The following RNF17 variants were observed in gnomAD, a reference collection of about 807,000 sequenced individuals.
RNF17 encodes ring finger protein 17.
In RNF17, 31 loss-of-function variants were observed where a neutral mutation model predicts 200.5. The ratio of observed to expected loss-of-function variants is 0.15; its 90% CI spans 0.12 to 0.21. The LOEUF (loss-of-function observed/expected upper bound fraction) is 0.21, where lower values mean the gene tolerates loss of function less well. Ranked by LOEUF, RNF17 falls within the 10% of genes least tolerant of loss-of-function variation. RNF17 has a pLI of 1.00. For synonymous variants in RNF17, 606 were observed against 637.8 expected, an observed-to-expected ratio of 0.95 and a Z score of 0.75; for missense variants, 1,628 against 1,905.1, an observed-to-expected ratio of 0.85 and a Z score of 2.71.
At chr13:24,848,276 T>C (rs1891470862) in intron 22 of RNF17, among the ~76,000 whole-genome samples, 1 of 98,844 alleles carries the variant, frequency 1.0e-5, no homozygotes. Flanking sequence ...TTTTAAGAAA[T>C]CCCTTTTAAT....
At chr13:24,826,053 T>G in intron 16 of RNF17, 1 of 985,000 alleles carries the variant, frequency 1.0e-6, no homozygotes, top group Non-Finnish European at 1.2e-6. Context: ...TGAACTCTAG[T>G]TTGATGTTGA....
intron 25 of RNF17, among the ~76,000 whole-genome samples, chr13:24,858,575 G>GAT (rs397770900): frequency 0.24 from 34,588 of 143,142 alleles, 4,997 homozygotes; most frequent in African/African-American, 0.4. Flanking sequence ...ATCAGTTATG[G>GAT]ATATATATAT....
At chr13:24,799,881 C>A (rs767074054) in intron 12 of RNF17, among the ~76,000 whole-genome samples, 11 of 152,060 alleles carry the variant, frequency 7.2e-5, no homozygotes, top group Non-Finnish European at 1.3e-4. Flanking sequence ...CAGTTAGCAA[C>A]AGATGATTGA....
chr13:24,867,242 G>A (rs548441865), intron 30 of RNF17, among the ~76,000 whole-genome samples: 1 of 152,154 alleles, frequency 6.6e-6, no homozygotes, highest in South Asian at 2.1e-4. Flanking sequence ...TGCCCAGGCT[G>A]GTCTTGAACT....
At chr13:24,884,962 A>G in the RNF17 span, among the ~76,000 whole-genome samples, 1 of 152,362 alleles carries the variant, frequency 6.6e-6, no homozygotes, top group East Asian at 1.9e-4. Flanking sequence ...TTTCCTAAGC[A>G]TAAGAATAAA....
Position 24,879,170 on chromosome 13 carries a change from G to GT in RNF17, c.4774-16dup, listed in dbSNP as rs1895174681. On this transcript the variant is annotated splice_polypyrimidine_tract_variant and intron_variant, in intron 34 of 35. Transcript: ENST00000255324. Reference sequence around the variant, plus strand: ...AGACATTACTGTTTTCTTGACAACTGTATCTTTTAATTTTAGGCTCCAGCA... The same window carrying GT: ...AGACATTACTGTTTTCTTGACAACTGTTATCTTTTAATTTTAGGCTCCAGCA... The GT allele has an allele frequency of 6.3e-7, 1 of 1,587,470 alleles. No individual in the cohort carries two copies. Among genetic ancestry groups the GT allele is most frequent in the Non-Finnish European group, 8.7e-7 (1 of 1,156,008 alleles).
intron 15 of RNF17, among the ~76,000 whole-genome samples, chr13:24,820,727 C>T (rs3961341): frequency 0.43 from 65,624 of 152,026 alleles, 14,258 homozygotes; most frequent in East Asian, 0.48. Context: ...TAGGCCACCA[C>T]GCCCAGCCTG....
intron 18 of RNF17, 124 bp downstream of exon 18, chr13:24,832,102 G>T: frequency 1.5e-6 from 1 of 660,940 alleles, no homozygotes; most frequent in Non-Finnish European, 2.4e-6. Flanking sequence ...GATAAGATTT[G>T]TTGAGAATTA....
intron 18 of RNF17, among the ~76,000 whole-genome samples, chr13:24,841,823 G>C (rs1023764875): frequency 6.6e-6 from 1 of 152,042 alleles, no homozygotes; most frequent in South Asian, 2.1e-4. Flanking sequence ...TTAGCCGGGC[G>C]TGGTGGCGCG....
intron 12 of RNF17, among the ~76,000 whole-genome samples, chr13:24,800,097 G>A (rs1390731097): frequency 1.3e-5 from 2 of 152,080 alleles, no homozygotes; most frequent in Admixed American, 6.5e-5. Flanking sequence ...TTTATATGGG[G>A]GGAAGTGTCA....
At chr13:24,862,820 T>C in intron 28 of RNF17, 27 bp downstream of exon 28, 1 of 1,273,042 alleles carries the variant, frequency 7.9e-7, no homozygotes, top group South Asian at 1.2e-5. Flanking sequence ...ATAGTTGTTA[T>C]AAATTACTTG....
intron 15 of RNF17, among the ~76,000 whole-genome samples, chr13:24,818,010 A>T (rs183125276): frequency 9.9e-5 from 15 of 152,214 alleles, no homozygotes; most frequent in Non-Finnish European, 2.1e-4. Context: ...GCAATATTTT[A>T]AAATTGTGTA....
At chr13:24,865,792 T>A (rs1353392549) in intron 29 of RNF17, among the ~76,000 whole-genome samples, 1 of 152,194 alleles carries the variant, frequency 6.6e-6, no homozygotes, top group Non-Finnish European at 1.5e-5. Flanking sequence ...TGGGGGTGTG[T>A]GTGTGTGTAA....
chr13:24,871,721 C>A (rs1894277491), intron 32 of RNF17, among the ~76,000 whole-genome samples: 1 of 149,908 alleles, frequency 6.7e-6, no homozygotes, highest in Non-Finnish European at 1.5e-5. Flanking sequence ...CAACCTCTGT[C>A]CCCTGGGTTC....
At chr13:24,778,928 C>T (rs1881968978) in intron 4 of RNF17, among the ~76,000 whole-genome samples, 1 of 152,176 alleles carries the variant, frequency 6.6e-6, no homozygotes, top group South Asian at 2.1e-4. Flanking sequence ...GTGGCTCCTG[C>T]CTATAATCCC....
intron 9 of RNF17, 120 bp downstream of exon 9, chr13:24,789,892 T>C: frequency 7.6e-6 from 5 of 660,530 alleles, no homozygotes; most frequent in Non-Finnish European, 1.3e-5. Flanking sequence ...GGCAAAATAG[T>C]TTCTATAGTT....
intron 18 of RNF17, 124 bp downstream of exon 18, chr13:24,832,102 G>A (rs1302519115): frequency 3.0e-6 from 2 of 660,822 alleles, no homozygotes; most frequent in Non-Finnish European, 4.9e-6. Context: ...GATAAGATTT[G>A]TTGAGAATTA....
intron 15 of RNF17, among the ~76,000 whole-genome samples, chr13:24,823,095 AC>A (rs1239020317): frequency 6.6e-6 from 1 of 152,062 alleles, no homozygotes; most frequent in African/African-American, 2.4e-5. Context: ...AGAAAAAAAA[AC>A]GGAGTCTGGC....
Position 24,861,315 on chromosome 13 carries a change from T to G in RNF17, c.3822T>G (p.His1274Gln). 6.3e-7 allele frequency: 1 copy of G among 1,595,076 alleles called. No individual in the cohort carries two copies. ...TCACTGAAAAGATTCCGCAGTGCCA[T>G]CTTTACCCTATTTTGCTGTATCCTG... ...HGFTEKIPQCHLYPILLYPDI... is the reference protein window; with the variant it reads ...HGFTEKIPQCQLYPILLYPDI... The change falls in exon 27 of 36, where the codon CAT becomes CAG. Residue 1274 changes from histidine (H) to glutamine (Q), a missense_variant. Physicochemically the swap from His to Gln is conservative, Grantham distance 24. Transcript: ENST00000255324.
Sources: allele counts gnomAD v4.1 joint callset (sites outside exome capture counted in the v4.1 genomes callset), GRCh38; gene constraint gnomAD v4.1.1; transcripts MANE v1.5; gene names NCBI Gene and HGNC (gene_info 2026-07-23, HGNC 2026-07-21).